The following CAST variants were observed in gnomAD, a reference collection of about 807,000 sequenced individuals.
The protein encoded by CAST is calpastatin.
Under a neutral mutation model 119.6 loss-of-function variants are expected in CAST, and 76 were observed. The ratio of observed to expected loss-of-function variants is 0.64; its 90% confidence interval spans 0.53 to 0.77. CAST has a LOEUF of 0.77. Among genes scored for constraint, CAST ranks in the 30% least tolerant of loss-of-function variants. CAST has a pLI of 0.00. For synonymous variants in CAST, 319 were observed against 331.6 expected (o/e 0.96, Z 0.41); for missense variants, 953 against 946.5 (o/e 1.01, Z -0.09).
At chr5:96,309,294 C>T in the CAST span, among the ~76,000 whole-genome samples, 2 of 152,250 alleles carry the variant, frequency 1.3e-5, no homozygotes, top group Non-Finnish European at 2.9e-5. Flanking sequence ...ATGGTGGATA[C>T]CCTTCTCCCC....
intron 1 of CAST, among the ~76,000 whole-genome samples, chr5:96,625,434 C>A (rs1405292702): frequency 6.6e-6 from 1 of 152,100 alleles, no homozygotes; most frequent in Non-Finnish European, 1.5e-5. Context: ...AAACTAGCAG[C>A]GAAATTGTAT....
At chr5:96,611,012 G>A (rs967731723) in intron 1 of CAST, among the ~76,000 whole-genome samples, 4 of 151,996 alleles carry the variant, frequency 2.6e-5, no homozygotes, top group Non-Finnish European at 2.9e-5. Context: ...AAACAGTGAC[G>A]GAAGAAATCA....
chr5:96,771,388 T>A (rs983031180), intron 30 of CAST, among the ~76,000 whole-genome samples: 1 of 152,108 alleles, frequency 6.6e-6, no homozygotes, highest in Non-Finnish European at 1.5e-5. Flanking sequence ...GCATATTTTA[T>A]AACCTACCCT....
intron 1 of CAST, among the ~76,000 whole-genome samples, chr5:96,538,042 T>G (rs1745848800): frequency 6.6e-6 from 1 of 152,076 alleles, no homozygotes; most frequent in Non-Finnish European, 1.5e-5. Context: ...CTGTTTTCTC[T>G]CCCACCCCTC....
the CAST span, among the ~76,000 whole-genome samples, chr5:96,349,958 G>A: frequency 2.0e-5 from 3 of 152,162 alleles, no homozygotes; most frequent in Admixed American, 1.3e-4. Flanking sequence ...ACGTGGTGAT[G>A]AAGTAAACTA....
chr5:96,538,185 T>C (rs1745852393), intron 1 of CAST, among the ~76,000 whole-genome samples: 1 of 152,184 alleles, frequency 6.6e-6, no homozygotes, highest in Non-Finnish European at 1.5e-5. Flanking sequence ...GTAGCTTCCT[T>C]TCAAACCTCC....
the CAST span, among the ~76,000 whole-genome samples, chr5:96,009,226 G>T: frequency 3.0e-4 from 45 of 152,276 alleles, no homozygotes; most frequent in Middle Eastern, 3.4e-3. Context: ...TTAGCATCTA[G>T]GTTGGTTTAC....
the CAST span, among the ~76,000 whole-genome samples, chr5:96,178,902 C>A: frequency 6.6e-6 from 1 of 152,184 alleles, no homozygotes; most frequent in Non-Finnish European, 1.5e-5. Flanking sequence ...CAACTGATTA[C>A]TTCTTGCTCC....
chr5:96,083,410 A>G, the CAST span, among the ~76,000 whole-genome samples: 2 of 152,174 alleles, frequency 1.3e-5, no homozygotes, highest in African/African-American at 2.4e-5. Flanking sequence ...TATCACTTCA[A>G]CTGTTGTCTT....
the CAST span, among the ~76,000 whole-genome samples, chr5:96,144,737 G>T: frequency 6.6e-6 from 1 of 151,104 alleles, no homozygotes; most frequent in South Asian, 2.1e-4. Context: ...GCGTGATCTC[G>T]GCTCACTACA....
At chr5:96,273,532 G>T in the CAST span, among the ~76,000 whole-genome samples, 4 of 152,134 alleles carry the variant, frequency 2.6e-5, no homozygotes, top group Admixed American at 6.5e-5. Context: ...GAATGACAAA[G>T]GTATATAGAA....
chr5:96,692,127 A>G (rs1205878962), intron 2 of CAST, among the ~76,000 whole-genome samples: 1 of 152,200 alleles, frequency 6.6e-6, no homozygotes, highest in Non-Finnish European at 1.5e-5. Flanking sequence ...CTGTGAGTAG[A>G]TGAATTCTTT....
At chr5:96,142,511 A>G in the CAST span, among the ~76,000 whole-genome samples, 50,727 of 152,138 alleles carry the variant, frequency 0.33, 8,704 homozygotes, top group Middle Eastern at 0.39. Flanking sequence ...ATTAAGCAAA[A>G]AGATAGTATT....
chr5:96,656,415 G>A (rs1748159437), intron 1 of CAST, among the ~76,000 whole-genome samples: 1 of 152,176 alleles, frequency 6.6e-6, no homozygotes, highest in Non-Finnish European at 1.5e-5. Flanking sequence ...ACTAGAGAGT[G>A]CAGCTCATTA....
chr5:96,588,744 TG>T (rs1746907466), intron 1 of CAST, among the ~76,000 whole-genome samples: 1 of 152,212 alleles, frequency 6.6e-6, no homozygotes, highest in Non-Finnish European at 1.5e-5. Flanking sequence ...TACAATTTAT[TG>T]GCCATAAAAC....
At chr5:96,743,683 C>G (rs26505) in intron 16 of CAST, 3 of 1,612,642 alleles carry the variant, frequency 1.9e-6, no homozygotes, top group Non-Finnish European at 8.5e-7. Context: ...CAGTGTGGCA[C>G]GATAAGCTTT....
chr5:96,239,712 T>C, the CAST span, among the ~76,000 whole-genome samples: 1 of 152,116 alleles, frequency 6.6e-6, no homozygotes, highest in South Asian at 2.1e-4. Flanking sequence ...ATTAATAACA[T>C]TGGATTTTTC....
the CAST span, among the ~76,000 whole-genome samples, chr5:96,502,907 C>T: frequency 6.6e-6 from 1 of 152,094 alleles, no homozygotes; most frequent in Non-Finnish European, 1.5e-5. Context: ...TGGTTCATGG[C>T]TTTGGGTTGT....
At chr5:95,971,952 TTTTATTTC>T in the CAST span, among the ~76,000 whole-genome samples, 184 of 150,552 alleles carry the variant, frequency 1.2e-3, no homozygotes, top group Middle Eastern at 6.8e-3. Flanking sequence ...TGTTTATTTC[TTTTATTTC>T]TTTTTTTTTT....
Sources: gnomAD v4.1 joint callset for allele counts (sites outside exome capture counted in the v4.1 genomes callset) on GRCh38, gnomAD v4.1.1 for gene constraint, MANE v1.5 for transcripts, NCBI Gene and HGNC (gene_info 2026-07-23, HGNC 2026-07-21) for gene names.